The following FBXO8 variants were observed in gnomAD, a reference collection of about 807,000 sequenced individuals.
FBXO8 encodes the protein F-box protein 8, also known as F-box only protein 8.
A neutral mutation model predicts 33.4 loss-of-function variants in FBXO8; 15 were observed. The ratio of observed to expected loss-of-function variants is 0.45; its 90% CI spans 0.30 to 0.69. The LOEUF is 0.69. Ranked by LOEUF, FBXO8 falls within the 30% of genes least tolerant of loss-of-function variation. The probability of loss-of-function intolerance (pLI) is 0.08; values close to 1 mark genes in which losing one functional copy is unlikely to be tolerated. For synonymous variants in FBXO8, 132 were observed against 131.5 expected (o/e 1.00, Z -0.02); for missense variants, 274 against 380.3 (o/e 0.72, Z 2.32).
At position 174,256,469 on chromosome 4, in the gene FBXO8, C is replaced by T. The variant is rs1736417146; in HGVS notation, c.456+3230G>A. Among the ~76,000 whole-genome samples, 1 of 152,082 alleles carries T rather than the reference C, an allele frequency of 6.6e-6. No individual in the cohort carries two copies. The highest frequency in any genetic ancestry group is 2.4e-5 in the African/African-American group (1 of 41,422). On this transcript the variant is annotated intron_variant, in intron 3 of 5. Coordinates refer to ENST00000393674, the MANE Select transcript of FBXO8 (RefSeq NM_012180.3). This position sits in a 1 kb window ranked among gnomAD's most constrained non-coding sequence, Gnocchi z 4.6. ...TGGCAAGAGTCATTCTAAAGTCTGG[C>T]TAAAGTATGACTCATACAGATAAGT...
In FBXO8 at chr4:174,252,706, T is replaced by C. The variant is rs1193777823; in HGVS notation, c.456+6993A>G. ...AGACAATACTACCTCTTTGTGTCTC[T>C]TTTTTAAACCTAAAAAATAGGCTAG... On this transcript the variant is annotated intron_variant, in intron 3 of 5. Coordinates refer to ENST00000393674, the MANE Select transcript of FBXO8 (RefSeq NM_012180.3). The surrounding 1 kb of genome is among the most constrained non-coding windows in gnomAD (Gnocchi z 5.1). 6.6e-6 allele frequency among the ~76,000 whole-genome samples: 1 copy of C among 152,142 alleles called. No individual in the cohort carries two copies. The highest frequency in any genetic ancestry group is 1.9e-4 in the East Asian group (1 of 5,180).
At chr4:174,279,863 C>G (rs1428291295) in intron 1 of FBXO8, among the ~76,000 whole-genome samples, 1 of 152,014 alleles carries the variant, frequency 6.6e-6, no homozygotes, top group African/African-American at 2.4e-5. Flanking sequence ...GGATCAAAGA[C>G]TTAAATCTAA....
chr4:174,259,791 AT>A lies in FBXO8; in HGVS notation c.363del (p.Tyr122ThrfsTer7). On this transcript the variant is annotated frameshift_variant, in exon 3 of 6. Transcript: ENST00000393674. LOFTEE classifies it high-confidence loss of function. The surrounding 1 kb of genome is among the most constrained non-coding windows in gnomAD (Gnocchi z 4.3). ...LCKSTWGHCS[I>X]YNKNPPLGFS... is the part of the protein sequence containing the mutation. Reference sequence around the variant, plus strand: ...AATCCTAAAGGTGGGTTCTTATTGTATATGGAACAGTGACCCCAAGTGGATT... The same window carrying A: ...AATCCTAAAGGTGGGTTCTTATTGTAATGGAACAGTGACCCCAAGTGGATT... The A allele has an allele frequency of 1.2e-6, 2 of 1,608,844 alleles. No individual in the cohort carries two copies. The highest frequency in any genetic ancestry group is 1.7e-6 in the Non-Finnish European group (2 of 1,178,164).
chr4:174,264,585 C>T (rs1276683264), intron 1 of FBXO8, among the ~76,000 whole-genome samples: 1 of 152,068 alleles, frequency 6.6e-6, no homozygotes, highest in Non-Finnish European at 1.5e-5. Flanking sequence ...TCTTCCCCCA[C>T]CTTATATTGC....
Position 174,278,143 on chromosome 4 carries a change from T to C in FBXO8, c.-9+5267A>G, listed in dbSNP as rs73011406. Among the ~76,000 whole-genome samples the C allele has an allele frequency of 1.4e-3, 218 of 151,790 alleles. 1 individual carries two copies. The highest frequency in any genetic ancestry group is 4.8e-3 in the African/African-American group (201 of 41,446). ...ATCCCTAAAATTTAAAGGCAACAAA[T>C]GTAGAGAAATAAAGGAAGGGTAAGT... On this transcript the variant is annotated intron_variant, in intron 1 of 5. Coordinates refer to ENST00000393674, the MANE Select transcript of FBXO8 (RefSeq NM_012180.3). The surrounding 1 kb of genome is among the most constrained non-coding windows in gnomAD (Gnocchi z 4.1).
intron 1 of FBXO8, among the ~76,000 whole-genome samples, chr4:174,268,664 C>T (rs1736758291): frequency 6.6e-6 from 1 of 152,182 alleles, no homozygotes; most frequent in South Asian, 2.1e-4. Flanking sequence ...TCTCCATCTC[C>T]TGACCTCGTG....
Position 174,270,279 on chromosome 4 carries a change from G to T in FBXO8, c.-8-7179C>A, listed in dbSNP as rs1736807566. On this transcript the variant is annotated intron_variant, in intron 1 of 5. Transcript: ENST00000393674. The surrounding 1 kb of genome is among the most constrained non-coding windows in gnomAD (Gnocchi z 4.6). ...CTTTCTGTTCCTAAAGTCCTATGCT[G>T]CTGTGGCACAGTAGCTGGGAAGACG... Among the ~76,000 whole-genome samples, 1 of 152,208 alleles carries T rather than the reference G, an allele frequency of 6.6e-6. No individual in the cohort carries two copies. Among genetic ancestry groups the T allele is most frequent in the Non-Finnish European group, 1.5e-5 (1 of 68,036 alleles).
Position 174,263,370 on chromosome 4 carries a change from T to C in FBXO8, c.-8-270A>G, listed in dbSNP as rs1184551383. Among the ~76,000 whole-genome samples, 1 of 152,210 alleles carries C rather than the reference T, an allele frequency of 6.6e-6. No individual in the cohort carries two copies. The highest frequency in any genetic ancestry group is 1.9e-4 in the East Asian group (1 of 5,198). On this transcript the variant is annotated intron_variant, in intron 1 of 5. Coordinates refer to ENST00000393674, the MANE Select transcript of FBXO8 (RefSeq NM_012180.3). This position sits in a 1 kb window ranked among gnomAD's most constrained non-coding sequence, Gnocchi z 4.2. ...AAGTCCATATGTGACATAATCATTTTTCACGTGGTAAGATTTAAAAGTTAC... is the reference window on the plus strand; with the variant it reads ...AAGTCCATATGTGACATAATCATTTCTCACGTGGTAAGATTTAAAAGTTAC...
Position 174,255,602 on chromosome 4 carries a change from CTTG to C in FBXO8, c.456+4094_456+4096del, listed in dbSNP as rs887379279. ...CTTACATAGTCATTAAAAAAAAAAA[CTTG>C]TTATCTGACCCCAATGAGGATATTT... is the stretch of plus-strand genomic sequence containing the variant. On this transcript the variant is annotated intron_variant, in intron 3 of 5. Transcript: ENST00000393674. The surrounding 1 kb of genome is among the most constrained non-coding windows in gnomAD (Gnocchi z 4.3). Among the ~76,000 whole-genome samples the C allele has an allele frequency of 6.7e-6, 1 of 149,542 alleles. No individual in the cohort carries two copies. Among genetic ancestry groups the C allele is most frequent in the African/African-American group, 2.5e-5 (1 of 40,646 alleles).
rs757830490 is a variant in FBXO8 at position 174,241,095 on chromosome 4, T to C, written c.575+5A>G. On this transcript the variant is annotated splice_donor_5th_base_variant and intron_variant, in intron 4 of 5. Transcript: ENST00000393674. This position sits in a 1 kb window ranked among gnomAD's most constrained non-coding sequence, Gnocchi z 4.2. Reference sequence around the variant, plus strand: ...TTTGGATGAAAAGTTAATTTTCGTTTTTACCTTTCATCAAGATAGATTCTC... The same window carrying C: ...TTTGGATGAAAAGTTAATTTTCGTTCTTACCTTTCATCAAGATAGATTCTC... 5.8e-6 allele frequency: 9 copies of C among 1,550,962 alleles called. No individual in the cohort carries two copies. The highest frequency in any genetic ancestry group is 8.0e-6 in the Non-Finnish European group (9 of 1,130,438).
chr4:174,268,573 C>T (rs976216839), intron 1 of FBXO8, among the ~76,000 whole-genome samples: 9 of 151,198 alleles, frequency 6.0e-5, no homozygotes, highest in Non-Finnish European at 1.2e-4. Flanking sequence ...AGTGCTGGGA[C>T]TACAGGCGCC....
intron 1 of FBXO8, among the ~76,000 whole-genome samples, chr4:174,280,642 A>C (rs1317491401): frequency 6.6e-6 from 1 of 152,196 alleles, no homozygotes; most frequent in East Asian, 1.9e-4. Context: ...ATATAAGGGA[A>C]TGTTATGTGA....
chr4:174,266,305 C>T (rs1328626629), intron 1 of FBXO8, among the ~76,000 whole-genome samples: 2 of 152,084 alleles, frequency 1.3e-5, no homozygotes, highest in Non-Finnish European at 2.9e-5. Context: ...ATACATAGTT[C>T]AGACAAAGAA....
chr4:174,272,098 C>A lies in FBXO8; in HGVS notation c.-8-8998G>T, dbSNP rs1337129532. On this transcript the variant is annotated intron_variant, in intron 1 of 5. Transcript: ENST00000393674. The surrounding 1 kb of genome is among the most constrained non-coding windows in gnomAD (Gnocchi z 4.7). ...ATAGCAAATCAAAACAAAACAAAAG[C>A]AATGGGATAACGTCAAAAGGACATT... Among the ~76,000 whole-genome samples, 1 of 152,126 alleles carries A rather than the reference C, an allele frequency of 6.6e-6. No individual in the cohort carries two copies. Among genetic ancestry groups the A allele is most frequent in the African/African-American group, 2.4e-5 (1 of 41,448 alleles).
At chr4:174,242,468 G>A (rs1194356174) in intron 3 of FBXO8, among the ~76,000 whole-genome samples, 1 of 151,444 alleles carries the variant, frequency 6.6e-6, no homozygotes, top group Non-Finnish European at 1.5e-5. Context: ...CTAACTTTAT[G>A]AGCCATCAAC....
At chr4:174,238,551 C>A (rs1331979961) in intron 5 of FBXO8, among the ~76,000 whole-genome samples, 1 of 151,122 alleles carries the variant, frequency 6.6e-6, no homozygotes, top group African/African-American at 2.4e-5. Flanking sequence ...TAGAAGTACA[C>A]ACAAACAGAC....
Position 174,262,936 on chromosome 4 carries a change from T to C in FBXO8, c.157A>G (p.Ile53Val), listed in dbSNP as rs1294570437. The C allele has an allele frequency of 6.2e-7, 1 of 1,614,094 alleles. No individual in the cohort carries two copies. The highest frequency in any genetic ancestry group is 8.5e-7 in the Non-Finnish European group (1 of 1,179,946). ...TTCCTTGCCTTCAAAAGATGATATA[T>C]GTCAATGCCTCCTTGGACTTGTTTA... ...HRKQVQGGID[I>V]YHLLKARKSK... Residue 53 changes from isoleucine (I) to valine (V), a missense_variant, in exon 2 of 6, where the codon ATA becomes GTA. By Grantham distance (29) the Ile-to-Val change is conservative. Transcript: ENST00000393674. This position sits in a 1 kb window ranked among gnomAD's most constrained non-coding sequence, Gnocchi z 4.6.
At chr4:174,260,185 T>G (rs1258923436) in intron 2 of FBXO8, among the ~76,000 whole-genome samples, 2 of 152,030 alleles carry the variant, frequency 1.3e-5, no homozygotes, top group African/African-American at 2.4e-5. Flanking sequence ...TTAGCCTGCC[T>G]AATCTTCACA....
rs7656298 is a variant in FBXO8 at position 174,259,205 on chromosome 4, A to G, written c.456+494T>C. 0.08 allele frequency among the ~76,000 whole-genome samples: 12,101 copies of G among 152,138 alleles called. 519 individuals are homozygous for G. Among genetic ancestry groups the G allele is most frequent in the Non-Finnish European group, 0.1 (6,932 of 67,916 alleles). On this transcript the variant is annotated intron_variant, in intron 3 of 5. Coordinates refer to ENST00000393674, the MANE Select transcript of FBXO8 (RefSeq NM_012180.3). The surrounding 1 kb of genome is among the most constrained non-coding windows in gnomAD (Gnocchi z 4.3). The stretch of plus-strand genomic sequence containing the variant: ...TATTCAATTTTATAACAATCTATAA[A>G]TAGTTCCTATGTCAACATGGAATTA...
Sources: gnomAD v4.1 joint callset for allele counts (sites outside exome capture counted in the v4.1 genomes callset) on GRCh38, gnomAD v4.1.1 for gene constraint, Gnocchi (gnomAD v3.1) non-coding constraint, MANE v1.5 for transcripts, NCBI Gene and HGNC (gene_info 2026-07-23, HGNC 2026-07-21) for gene names.